The following TRIM5 variants were observed in gnomAD, a reference collection of about 807,000 sequenced individuals.
TRIM5 encodes tripartite motif containing 5, also known as tripartite motif-containing protein 5.
In TRIM5, 31 loss-of-function variants were observed where a neutral mutation model predicts 35.6. That is an observed-to-expected ratio of 0.87 (90% CI 0.65 to 1.18). The LOEUF is 1.18. TRIM5 is among the 50% of genes most tolerant of loss of function. The pLI, the probability that TRIM5 is intolerant of heterozygous loss-of-function variation, is 0.00. For synonymous variants in TRIM5, 243 were observed against 215.6 expected, an observed-to-expected ratio of 1.13 and a Z score of -1.11; for missense variants, 609 against 591.6, an observed-to-expected ratio of 1.03 and a Z score of -0.31.
At chr11:5,641,599 G>T in the TRIM5 span, among the ~76,000 whole-genome samples, 1 of 152,052 alleles carries the variant, frequency 6.6e-6, no homozygotes, top group Admixed American at 6.6e-5. Context: ...TATGTACTTT[G>T]CTTACTTAGA....
At chr11:5,681,696 C>T (rs1279065873) in intron 1 of TRIM5, among the ~76,000 whole-genome samples, 1 of 129,554 alleles carries the variant, frequency 7.7e-6, no homozygotes, top group African/African-American at 3.3e-5. Flanking sequence ...CCTTCGTTAT[C>T]TTGTCATGCT....
At chr11:5,662,515 T>C (rs58945302), downstream of TRIM5, among the ~76,000 whole-genome samples, 2,378 of 152,328 alleles carry the variant, frequency 0.016, 71 homozygotes, top group African/African-American at 0.053. Flanking sequence ...AAATGCCACA[T>C]GTACTTCTGA....
chr11:5,655,180 C>T, the TRIM5 span, among the ~76,000 whole-genome samples: 1 of 144,638 alleles, frequency 6.9e-6, no homozygotes, highest in Admixed American at 7.0e-5. Flanking sequence ...GCAACAAGAG[C>T]GAAACTCCGT....
chr11:5,642,614 TC>T, the TRIM5 span: 2 of 1,311,976 alleles, frequency 1.5e-6, no homozygotes, highest in South Asian at 2.9e-5. Flanking sequence ...AGGAGGGAGG[TC>T]AGAGAATAAG....
the TRIM5 span, among the ~76,000 whole-genome samples, chr11:5,654,475 C>T: frequency 6.6e-6 from 1 of 152,224 alleles, no homozygotes; most frequent in South Asian, 2.1e-4. Flanking sequence ...TTAGTGGAGG[C>T]TATGGTAAGG....
In TRIM5 at chr11:5,665,242, C is replaced by T. The variant is rs1157947635; in HGVS notation, c.1049G>A (p.Gly350Asp). ...TTTCCCTGATGTGATACTTTGAGAG[C>T]CCAGGATGCCAGTACAATAATTGAA... ...VNFNYCTGIL[G>D]SQSITSGKHY... The change falls in exon 8 of 8, where the codon GGC becomes GAC. Residue 350 changes from glycine to aspartate, a missense_variant. Coordinates refer to ENST00000380034, the MANE Select transcript of TRIM5 (RefSeq NM_033034.3). 6.2e-7 allele frequency: 1 copy of T among 1,614,132 alleles called. No homozygotes were observed. The highest frequency in any genetic ancestry group is 8.5e-7 in the Non-Finnish European group (1 of 1,180,016).
At chr11:5,675,658 ATTTC>A (rs1351861965) in intron 4 of TRIM5, among the ~76,000 whole-genome samples, 1 of 91,986 alleles carries the variant, frequency 1.1e-5, no homozygotes, top group Non-Finnish European at 2.7e-5. Context: ...GCTTTCTTGC[ATTTC>A]TTTTTTTTTT....
Position 5,679,877 on chromosome 11 carries a change from T to C in TRIM5, c.301A>G (p.Lys101Glu). ...KVDHCARHGE[K>E]LLLFCQEDGK... is the part of the protein sequence containing the mutation. Reference sequence around the variant, plus strand: ...TCCTCCTGACAGAAGAGTAGAAGTTTCTCTCCATGGCGTGCACAATGATCA... The same window carrying C: ...TCCTCCTGACAGAAGAGTAGAAGTTCCTCTCCATGGCGTGCACAATGATCA... Residue 101 changes from lysine to glutamate, a missense_variant, in exon 2 of 8, where the codon AAA becomes GAA. Coordinates refer to ENST00000380034, the MANE Select transcript of TRIM5 (RefSeq NM_033034.3). 1 of 1,613,724 alleles carries C rather than the reference T, an allele frequency of 6.2e-7. No homozygotes were observed. The highest frequency in any genetic ancestry group is 8.5e-7 in the Non-Finnish European group (1 of 1,179,984).
chr11:5,643,951 C>A, the TRIM5 span: 1 of 528,036 alleles, frequency 1.9e-6, no homozygotes, highest in Non-Finnish European at 3.2e-6. Flanking sequence ...ATGGGTATAA[C>A]ATCCTTGCCT....
Position 5,665,399 on chromosome 11 carries a change from T to C in TRIM5, c.896-4A>G, listed in dbSNP as rs1350272444. 2 of 1,596,778 alleles carry C rather than the reference T, an allele frequency of 1.3e-6. No homozygotes were observed. Among genetic ancestry groups the C allele is most frequent in the Non-Finnish European group, 1.7e-6 (2 of 1,172,376 alleles). Reference sequence around the variant, plus strand: ...TTTGGAGCCACTGTCACATCAACTGTAGAAAAATTAACAGGTCAGCTAAGG... The same window carrying C: ...TTTGGAGCCACTGTCACATCAACTGCAGAAAAATTAACAGGTCAGCTAAGG... On this transcript the variant is annotated splice_region_variant and splice_polypyrimidine_tract_variant and intron_variant, in intron 7 of 7. Coordinates refer to ENST00000380034, the MANE Select transcript of TRIM5 (RefSeq NM_033034.3).
the TRIM5 span, among the ~76,000 whole-genome samples, chr11:5,637,131 C>T: frequency 1.3e-5 from 2 of 151,872 alleles, no homozygotes; most frequent in Admixed American, 6.6e-5. Flanking sequence ...CAAGATGGCG[C>T]CACTGCACTC....
chr11:5,642,713 C>A, the TRIM5 span: 2 of 1,512,162 alleles, frequency 1.3e-6, no homozygotes, highest in South Asian at 1.2e-5. Context: ...TAGCTCACAG[C>A]TTCATGGTAT....
chr11:5,641,906 C>T, the TRIM5 span, among the ~76,000 whole-genome samples: 3 of 152,112 alleles, frequency 2.0e-5, no homozygotes, highest in East Asian at 3.9e-4. Flanking sequence ...CTCAAATATG[C>T]GCCATTCCAC....
chr11:5,611,373 A>G, the TRIM5 span: 1 of 1,518,094 alleles, frequency 6.6e-7, no homozygotes, highest in East Asian at 2.3e-5. Context: ...ACTTCTGATA[A>G]GTACCCTGAG....
Position 5,665,674 on chromosome 11 carries a change from C to G in TRIM5, c.877G>C (p.Asp293His), listed in dbSNP as rs1161548527. The G allele has an allele frequency of 6.6e-7, 1 of 1,522,480 alleles. No individual in the cohort carries two copies. The allele number at this position is 1,522,480 out of a possible 1,614,324, so 94.3% of individuals were successfully genotyped here. A position where few individuals can be genotyped will look rare whatever the true frequency, so the allele number is the denominator to read the frequency against. ...TCCTTACCCCAGTAGCGTCGGACATCTGTCAGCTCTGAAATGATAAAAATG... is the reference window on the plus strand; with the variant it reads ...TCCTTACCCCAGTAGCGTCGGACATGTGTCAGCTCTGAAATGATAAAAATG... ...GMLEVFRELTDVRRYWVDVTV... is the reference protein window; with the variant it reads ...GMLEVFRELTHVRRYWVDVTV... Residue 293 changes from aspartate (D) to histidine (H), a missense_variant, in exon 7 of 8, where the codon GAT becomes CAT. Transcript: ENST00000380034.
chr11:5,642,567 G>T, the TRIM5 span: 1 of 1,570,078 alleles, frequency 6.4e-7, no homozygotes, highest in African/African-American at 1.4e-5. Flanking sequence ...GTAATAAACT[G>T]TCTAGGTGGG....
At chr11:5,638,000 C>A in the TRIM5 span, among the ~76,000 whole-genome samples, 1 of 152,188 alleles carries the variant, frequency 6.6e-6, no homozygotes, top group Non-Finnish European at 1.5e-5. Flanking sequence ...ATGTCTATTT[C>A]CATCCTTGTA....
chr11:5,644,975 T>C, the TRIM5 span, among the ~76,000 whole-genome samples: 1 of 152,322 alleles, frequency 6.6e-6, no homozygotes, highest in South Asian at 2.1e-4. Flanking sequence ...TGTCTCTGTA[T>C]TGTTCCCACT....
the TRIM5 span, chr11:5,603,356 GCCCTATCT>G: frequency 6.2e-7 from 1 of 1,614,122 alleles, no homozygotes; most frequent in Non-Finnish European, 8.5e-7. Context: ...GAGGTGACCT[GCCCTATCT>G]GCCTGGAGCT....
Sources: allele counts gnomAD v4.1 joint callset (sites outside exome capture counted in the v4.1 genomes callset), GRCh38; gene constraint gnomAD v4.1.1; transcripts MANE v1.5; gene names NCBI Gene and HGNC (gene_info 2026-07-23, HGNC 2026-07-21).